The following CDC37L1 variants were observed in gnomAD, a reference collection of about 807,000 sequenced individuals.
The protein encoded by CDC37L1 is cell division cycle 37 like 1, HSP90 cochaperone.
In CDC37L1, 32 loss-of-function variants were observed where a neutral mutation model predicts 45.9. That is an observed-to-expected ratio of 0.70 (90% confidence interval 0.53 to 0.94). The LOEUF is 0.94. CDC37L1 is among the 40% of genes least tolerant of loss of function. CDC37L1 has a pLI of 0.00. For missense variants in CDC37L1, 434 were observed against 405.7 expected (o/e 1.07, Z -0.60); for synonymous variants, 150 against 133.0 (o/e 1.13, Z -0.88).
At chr9:4,687,678 CAAAAA>C (rs59932144) in intron 2 of CDC37L1, among the ~76,000 whole-genome samples, 2 of 58,408 alleles carry the variant, frequency 3.4e-5, no homozygotes, top group Non-Finnish European at 7.4e-5. Flanking sequence ...GACCCCATCT[CAAAAA>C]AAAAAAAAAA....
At chr9:4,680,804 G>A (rs1332825038) in intron 1 of CDC37L1, among the ~76,000 whole-genome samples, 1 of 152,204 alleles carries the variant, frequency 6.6e-6, no homozygotes, top group Non-Finnish European at 1.5e-5. Context: ...GTTCCCAAGA[G>A]TGTAACAGAT....
chr9:4,694,683 C>G (rs1382740535), intron 3 of CDC37L1, among the ~76,000 whole-genome samples: 4 of 152,028 alleles, frequency 2.6e-5, no homozygotes, highest in Admixed American at 6.5e-5. Flanking sequence ...CCAGCCTGAT[C>G]AACATGGTGA....
chr9:4,683,445 G>C (rs1841216898), intron 1 of CDC37L1, among the ~76,000 whole-genome samples: 1 of 152,074 alleles, frequency 6.6e-6, no homozygotes, highest in South Asian at 2.1e-4. Flanking sequence ...GCCAGAATCT[G>C]GATGAAGATA....
rs780990028 is a variant in CDC37L1 at position 4,706,083 on chromosome 9, G to A, written c.985G>A (p.Asp329Asn). 6.3e-7 allele frequency: 1 copy of A among 1,596,224 alleles called. No homozygotes were observed. ...AAACTCGGTGGTACATAAAGAAGAT[G>A]ATGAACCCAAAATGATGGACACTGT... ...SLNSVVHKEDDEPKMMDTV is the reference protein window; with the variant it reads ...SLNSVVHKEDNEPKMMDTV The change falls in exon 7 of 7, where the codon GAT becomes AAT. Residue 329 changes from aspartate (D) to asparagine (N), a missense_variant. By Grantham distance (23) the Asp-to-Asn change is conservative. Transcript: ENST00000381854.
chr9:4,680,893 A>G (rs547092332), intron 1 of CDC37L1, among the ~76,000 whole-genome samples: 1 of 152,344 alleles, frequency 6.6e-6, no homozygotes, highest in East Asian at 1.9e-4. Context: ...TAAGCGTGAC[A>G]TTATCAATCT....
At position 4,697,105 on chromosome 9, in the gene CDC37L1, G is replaced by A; in HGVS notation, c.518G>A (p.Ser173Asn). ...EQKIRHFGML[S>N]RWDDSQRFLS... is the part of the protein sequence containing the mutation. ...ATTCTTTTTTTTACAGGTATGTTGAGTCGATGGGATGATAGCCAGAGATTT... is the reference window on the plus strand; with the variant it reads ...ATTCTTTTTTTTACAGGTATGTTGAATCGATGGGATGATAGCCAGAGATTT... The change falls in exon 4 of 7, where the codon AGT (serine) becomes AAT (asparagine). Residue 173 changes from serine (S) to asparagine (N), a missense_variant. By Grantham distance (46) the Ser-to-Asn change is conservative (BLOSUM62 1). Coordinates refer to ENST00000381854, the MANE Select transcript of CDC37L1 (RefSeq NM_017913.4). The A allele has an allele frequency of 6.7e-7, 1 of 1,484,268 alleles. No homozygotes were observed. The highest frequency in any genetic ancestry group is 9.4e-7 in the Non-Finnish European group (1 of 1,064,516). 91.9% of individuals were successfully genotyped at this position (1,484,268 alleles called of 1,614,324 possible).
chr9:4,688,386 G>A, intron 2 of CDC37L1, 127 bp from the exon 3 acceptor site: 1 of 461,258 alleles, frequency 2.2e-6, no homozygotes, highest in South Asian at 4.5e-5. Context: ...ATTTAATCAT[G>A]TAATATCAGT....
intron 3 of CDC37L1, among the ~76,000 whole-genome samples, chr9:4,692,306 G>T (rs1380549713): frequency 1.4e-5 from 2 of 145,692 alleles, no homozygotes; most frequent in East Asian, 4.0e-4. Flanking sequence ...TCTCGCTCTT[G>T]TCCCCCAGGC....
At position 4,708,122 on chromosome 9, in the gene CDC37L1, A is replaced by G. The variant is rs374132949; in HGVS notation, c.*2010A>G. The G allele has an allele frequency of 3.3e-5, 5 of 152,276 alleles. No homozygotes were observed. The highest frequency in any genetic ancestry group is 2.1e-4 in the South Asian group (1 of 4,836). The allele number at this position is 152,276 out of a possible 1,614,324, so 9.4% of individuals were successfully genotyped here. ...TGACTGATGCCATAATTTGCACTTA[A>G]AGGCTATAAATTACATAGTTAGCCG... is the stretch of plus-strand genomic sequence containing the variant. On this transcript the variant is annotated 3_prime_UTR_variant, in exon 7 of 7. Coordinates refer to ENST00000381854, the MANE Select transcript of CDC37L1 (RefSeq NM_017913.4).
chr9:4,688,364 T>A (rs1841269986), intron 2 of CDC37L1, 149 bp from the exon 3 acceptor site: 1 of 399,272 alleles, frequency 2.5e-6, no homozygotes, highest in Non-Finnish European at 4.3e-6. Flanking sequence ...TTAAAAATAG[T>A]TTACCAGATG....
chr9:4,686,217 C>G (rs1841245514), intron 2 of CDC37L1, among the ~76,000 whole-genome samples: 2 of 152,132 alleles, frequency 1.3e-5, no homozygotes, highest in Non-Finnish European at 2.9e-5. Flanking sequence ...CTCTCATGAA[C>G]TTTTTTAATT....
intron 1 of CDC37L1, 128 bp downstream of exon 1, chr9:4,680,027 C>T (rs1390420003): frequency 2.6e-5 from 32 of 1,247,498 alleles, no homozygotes; most frequent in Non-Finnish European, 3.4e-5. Flanking sequence ...GGCCGGGGAC[C>T]TGGGACCTGA....
chr9:4,699,819 T>C (rs1175256698), intron 5 of CDC37L1, among the ~76,000 whole-genome samples: 1 of 152,110 alleles, frequency 6.6e-6, no homozygotes, highest in Non-Finnish European at 1.5e-5. Flanking sequence ...CGCATATCTT[T>C]TACATGCTCT....
intron 2 of CDC37L1, 185 bp downstream of exon 2, chr9:4,685,343 A>G: frequency 3.8e-6 from 2 of 525,758 alleles, no homozygotes; most frequent in South Asian, 5.1e-5. Flanking sequence ...GTAGAGCTGC[A>G]GACTCCAGGC....
chr9:4,687,983 A>C (rs756017231), intron 2 of CDC37L1, among the ~76,000 whole-genome samples: 5 of 152,172 alleles, frequency 3.3e-5, no homozygotes, highest in Non-Finnish European at 5.9e-5. Context: ...AGATGAACCT[A>C]TATCCACACA....
At chr9:4,684,754 G>T in intron 1 of CDC37L1, 123 bp from the exon 2 acceptor site, 1 of 646,204 alleles carries the variant, frequency 1.5e-6, no homozygotes. Context: ...TGCAGACCTA[G>T]AACACAGGAT....
intron 5 of CDC37L1, among the ~76,000 whole-genome samples, chr9:4,699,426 A>G (rs1055733248): frequency 2.0e-5 from 3 of 152,230 alleles, no homozygotes; most frequent in African/African-American, 7.2e-5. Context: ...CAGATATTCA[A>G]CCTGTATATT....
Position 4,706,165 on chromosome 9 carries a change from C to G in CDC37L1, c.*53C>G. The G allele has an allele frequency of 2.2e-6, 2 of 909,760 alleles. No individual in the cohort carries two copies. Among genetic ancestry groups the G allele is most frequent in the Non-Finnish European group, 3.7e-6 (2 of 546,498 alleles). 56.4% of individuals were successfully genotyped at this position (909,760 alleles called of 1,614,324 possible). A position where few individuals can be genotyped will look rare whatever the true frequency, so the allele number is the denominator to read the frequency against. On this transcript the variant is annotated 3_prime_UTR_variant, in exon 7 of 7. Transcript: ENST00000381854. Reference sequence around the variant, plus strand: ...CTATTTTGTTACAAGAAAGGAAGAACTTGGCTATTTTCTTGACACTTTTAT... The same window carrying G: ...CTATTTTGTTACAAGAAAGGAAGAAGTTGGCTATTTTCTTGACACTTTTAT...
At chr9:4,691,125 A>G (rs74988569) in intron 3 of CDC37L1, among the ~76,000 whole-genome samples, 2,746 of 152,354 alleles carry the variant, frequency 0.018, 76 homozygotes, top group African/African-American at 0.06. Flanking sequence ...AAGCTTACCA[A>G]AATGATGACT....
Sources: allele counts gnomAD v4.1 joint callset (sites outside exome capture counted in the v4.1 genomes callset), GRCh38; gene constraint gnomAD v4.1.1; transcripts MANE v1.5; gene names NCBI Gene and HGNC (gene_info 2026-07-23, HGNC 2026-07-21).